Variants in OSBPL1A observed in about 807,000 individuals in gnomAD.
OSBPL1A encodes the protein oxysterol-binding protein-related protein 1.
In OSBPL1A, 80 loss-of-function variants were observed where a neutral mutation model predicts 137.1. The ratio of observed to expected loss-of-function variants is 0.58; its 90% CI spans 0.49 to 0.70. The LOEUF (loss-of-function observed/expected upper bound fraction) is 0.70. Among genes scored for constraint, OSBPL1A ranks in the 30% least tolerant of loss-of-function variants. OSBPL1A has a pLI of 0.00. For synonymous variants in OSBPL1A, 365 were observed against 389.7 expected (o/e 0.94, Z 0.75); for missense variants, 970 against 1,129.4 (o/e 0.86, Z 2.02).
chr18:24,300,983 C>T (rs2090389545), intron 14 of OSBPL1A, among the ~76,000 whole-genome samples: 1 of 152,152 alleles, frequency 6.6e-6, no homozygotes, highest in Admixed American at 6.5e-5. Flanking sequence ...TGTGTACCAC[C>T]ACGCCTGGCT....
chr18:24,359,782 A>G (rs370042459), intron 4 of OSBPL1A, among the ~76,000 whole-genome samples: 1 of 152,332 alleles, frequency 6.6e-6, no homozygotes, highest in Admixed American at 6.5e-5. Context: ...TTCCTATTTT[A>G]AATTGATTAT....
In OSBPL1A at chr18:24,277,106, A is replaced by C. The variant is rs555890579; in HGVS notation, c.1281+3736T>G. ...AGGTAATTTTTAAAAACCTATAAAG[A>C]GCAAACAAGAGTCCAGAAAGCATTG... On this transcript the variant is annotated intron_variant, in intron 15 of 27. Transcript: ENST00000319481. 2.8e-4 allele frequency among the ~76,000 whole-genome samples: 42 copies of C among 152,338 alleles called. No homozygotes were observed. In the East Asian group the frequency reaches 7.1e-3, roughly 26 times the overall value.
At chr18:24,267,422 CT>C (rs1378120142) in intron 15 of OSBPL1A, among the ~76,000 whole-genome samples, 1 of 152,080 alleles carries the variant, frequency 6.6e-6, no homozygotes, top group Non-Finnish European at 1.5e-5. Flanking sequence ...CCTAAACTCA[CT>C]TTATGAGGTC....
rs1448257699 is a variant in OSBPL1A at position 24,308,480 on chromosome 18, A to G, written c.1092+3504T>C. Reference sequence around the variant, plus strand: ...AGCAATCCACCCACCTCAGCCTCCCAAAGTACTGGGATTACAGGCGTGAGA... The same window carrying G: ...AGCAATCCACCCACCTCAGCCTCCCGAAGTACTGGGATTACAGGCGTGAGA... On this transcript the variant is annotated intron_variant, in intron 13 of 27. Transcript: ENST00000319481. Among the ~76,000 whole-genome samples, 3 of 151,934 alleles carry G rather than the reference A, an allele frequency of 2.0e-5. No homozygotes were observed. In the East Asian group the frequency reaches 5.8e-4, roughly 29 times the overall value.
chr18:24,298,984 G>A (rs1053764212), intron 14 of OSBPL1A, among the ~76,000 whole-genome samples: 2 of 152,144 alleles, frequency 1.3e-5, no homozygotes, highest in African/African-American at 4.8e-5. Context: ...ATTATGTAAT[G>A]ACCTTTTTTA....
chr18:24,312,922 G>A (rs571632483), intron 12 of OSBPL1A, among the ~76,000 whole-genome samples: 8 of 147,090 alleles, frequency 5.4e-5, no homozygotes, highest in South Asian at 2.2e-4. Flanking sequence ...GATCATGTTC[G>A]AGACCAGCCT....
intron 17 of OSBPL1A, among the ~76,000 whole-genome samples, chr18:24,222,047 C>A (rs1236148557): frequency 6.6e-6 from 1 of 152,008 alleles, no homozygotes; most frequent in African/African-American, 2.4e-5. Flanking sequence ...TTGGGTGTGG[C>A]CTCCAAATAA....
chr18:24,364,303 GA>G lies in OSBPL1A; in HGVS notation c.282+2588del, dbSNP rs1308659425. On this transcript the variant is annotated intron_variant, in intron 4 of 27. Coordinates refer to ENST00000319481, the MANE Select transcript of OSBPL1A (RefSeq NM_080597.4). ...GGGCCTTGCAAAAGTCAGAGCAGAG[GA>G]AGAAGCGAGAAATGCCTGGACTCTG... 7.2e-5 allele frequency among the ~76,000 whole-genome samples: 11 copies of G among 152,280 alleles called. No individual in the cohort carries two copies. In the South Asian group the frequency reaches 2.1e-3, roughly 29 times the overall value.
chr18:24,334,269 G>T lies in OSBPL1A; in HGVS notation c.456C>A (p.Gly152=). ...CCAGAGCTGTGAGTTCTGTTGTTTT[G>T]CCTTCTCTTGCTGCTGCTAAAAGTA... ...EELLLAAARE[G]KTTELTALLN... Residue 152 remains glycine (G), a synonymous_variant, in exon 6 of 28, where the codon GGC becomes GGA. Coordinates refer to ENST00000319481, the MANE Select transcript of OSBPL1A (RefSeq NM_080597.4). 2 of 1,611,492 alleles carry T rather than the reference G, an allele frequency of 1.2e-6. No individual in the cohort carries two copies. Among genetic ancestry groups the T allele is most frequent in the Admixed American group, 1.7e-5 (1 of 59,436 alleles).
At chr18:24,333,930 A>T (rs1416715708) in intron 6 of OSBPL1A, among the ~76,000 whole-genome samples, 1 of 152,066 alleles carries the variant, frequency 6.6e-6, no homozygotes, top group Non-Finnish European at 1.5e-5. Flanking sequence ...AATATATGTA[A>T]TATATATATA....
At chr18:24,280,297 GT>G (rs2089931372) in intron 15 of OSBPL1A, among the ~76,000 whole-genome samples, 1 of 152,072 alleles carries the variant, frequency 6.6e-6, no homozygotes, top group African/African-American at 2.4e-5. Flanking sequence ...GGACAGGCTG[GT>G]TTCGAACTCC....
At chr18:24,351,192 T>C (rs1159969506) in intron 4 of OSBPL1A, among the ~76,000 whole-genome samples, 3 of 150,706 alleles carry the variant, frequency 2.0e-5, no homozygotes, top group Non-Finnish European at 4.4e-5. Context: ...TACTAAAAAA[T>C]AGAAAAATGA....
intron 1 of OSBPL1A, among the ~76,000 whole-genome samples, chr18:24,397,355 T>C (rs1285745905): frequency 6.6e-6 from 1 of 152,140 alleles, no homozygotes; most frequent in African/African-American, 2.4e-5. Flanking sequence ...TGGTAGGGGA[T>C]GCATGCGGCA....
At chr18:24,284,889 C>T (rs570797766) in intron 14 of OSBPL1A, among the ~76,000 whole-genome samples, 89 of 152,294 alleles carry the variant, frequency 5.8e-4, no homozygotes, top group African/African-American at 2.1e-3. Context: ...GCCATCCTCC[C>T]CCAGGAAGCC....
At chr18:24,231,364 T>C (rs932307978) in intron 16 of OSBPL1A, among the ~76,000 whole-genome samples, 5 of 152,130 alleles carry the variant, frequency 3.3e-5, no homozygotes, top group East Asian at 1.9e-4. Flanking sequence ...GTGATCTCAG[T>C]TCACTGCAAC....
At chr18:24,250,189 T>TTTTTTTTTTTTTTG (rs2089043904) in intron 15 of OSBPL1A, among the ~76,000 whole-genome samples, 1 of 21,802 alleles carries the variant, frequency 4.6e-5, no homozygotes, top group Admixed American at 8.1e-4. Flanking sequence ...TTTGTTTGTT[T>TTTTTTTTTTTTTTG]TTTTTGACAT....
intron 4 of OSBPL1A, among the ~76,000 whole-genome samples, chr18:24,354,163 G>A (rs1008929294): frequency 6.6e-6 from 1 of 152,024 alleles, no homozygotes; most frequent in African/African-American, 2.4e-5. Flanking sequence ...AAAACTAACA[G>A]TATTAAAAGT....
rs528035081 is a variant in OSBPL1A at position 24,333,937 on chromosome 18, T to C, written c.480+308A>G. On this transcript the variant is annotated intron_variant, in intron 6 of 27. Coordinates refer to ENST00000319481, the MANE Select transcript of OSBPL1A (RefSeq NM_080597.4). ...AATCACAAAATATATGTAATATATA[T>C]ATAAGTTGTCCTTACATTAACTATT... Among the ~76,000 whole-genome samples the C allele has an allele frequency of 5.3e-5, 8 of 152,336 alleles. No homozygotes were observed. The South Asian group carries it at 1.7e-3, about 32-fold the overall frequency.
chr18:24,379,688 A>G (rs1305346946), intron 1 of OSBPL1A, among the ~76,000 whole-genome samples: 4 of 151,270 alleles, frequency 2.6e-5, no homozygotes, highest in Non-Finnish European at 5.9e-5. Flanking sequence ...ATACGGTGAA[A>G]CCTCATCTCT....
Sources: gnomAD v4.1 joint callset for allele counts (sites outside exome capture counted in the v4.1 genomes callset) on GRCh38, gnomAD v4.1.1 for gene constraint, MANE v1.5 for transcripts, NCBI Gene and HGNC (gene_info 2026-07-23, HGNC 2026-07-21) for gene names.